Variants in RMDN2 observed in about 807,000 individuals in gnomAD.
RMDN2 encodes regulator of microtubule dynamics 2.
A neutral mutation model predicts 52.8 loss-of-function variants in RMDN2; 61 were observed. That is an observed-to-expected ratio of 1.16 (90% CI 0.94 to 1.43). RMDN2 has a LOEUF of 1.43. Among genes scored for constraint, RMDN2 ranks in the 40% most tolerant of loss-of-function variants. The pLI is 0.00. For missense variants in RMDN2, 592 were observed against 475.3 expected (o/e 1.25, Z -2.28); for synonymous variants, 180 against 153.1 (o/e 1.18, Z -1.30).
At chr2:38,002,115 T>C (rs1418421292) in intron 8 of RMDN2, among the ~76,000 whole-genome samples, 1 of 152,246 alleles carries the variant, frequency 6.6e-6, no homozygotes, top group Non-Finnish European at 1.5e-5. Context: ...TTTTGGATTC[T>C]GTACAGAATA....
downstream of RMDN2, among the ~76,000 whole-genome samples, chr2:38,018,336 A>T (rs940109570): frequency 6.6e-6 from 1 of 152,254 alleles, no homozygotes; most frequent in Non-Finnish European, 1.5e-5. Flanking sequence ...AAAAGAAAAA[A>T]TTTAAAAAGT....
intron 4 of RMDN2, among the ~76,000 whole-genome samples, chr2:37,977,676 C>G (rs1672698974): frequency 6.6e-6 from 1 of 152,010 alleles, no homozygotes; most frequent in Non-Finnish European, 1.5e-5. Flanking sequence ...TCCTCAATTC[C>G]CAGACGGGGT....
chr2:37,969,115 C>G (rs1215730487), intron 2 of RMDN2, among the ~76,000 whole-genome samples: 2 of 151,316 alleles, frequency 1.3e-5, no homozygotes, highest in Admixed American at 6.6e-5. Flanking sequence ...TGTTGCTATA[C>G]CAATACCACA....
At chr2:37,990,237 G>A (rs775704029) in intron 6 of RMDN2, among the ~76,000 whole-genome samples, 5 of 151,594 alleles carry the variant, frequency 3.3e-5, no homozygotes, top group Admixed American at 1.3e-4. Flanking sequence ...AGAATTAGCC[G>A]GCCGGGTGTG....
intron 10 of RMDN2, among the ~76,000 whole-genome samples, chr2:38,008,223 C>T (rs111253962): frequency 0.07 from 10,636 of 152,066 alleles, 387 homozygotes; most frequent in East Asian, 0.1. Context: ...CTGTTAGGTC[C>T]GCTTGGTGCA....
chr2:37,958,190 T>C (rs972349154), intron 2 of RMDN2, among the ~76,000 whole-genome samples: 2 of 152,188 alleles, frequency 1.3e-5, no homozygotes, highest in Non-Finnish European at 2.9e-5. Flanking sequence ...AGAAAGTCAA[T>C]GGTAGCTTGA....
chr2:37,989,071 G>A (rs1674414610), intron 5 of RMDN2, among the ~76,000 whole-genome samples: 1 of 152,164 alleles, frequency 6.6e-6, no homozygotes, highest in Non-Finnish European at 1.5e-5. Context: ...AGGAGCTCAT[G>A]AAATTGTAAG....
intron 2 of RMDN2, among the ~76,000 whole-genome samples, chr2:37,932,782 A>ACCTC (rs1666900410): frequency 8.2e-6 from 1 of 122,482 alleles, no homozygotes; most frequent in African/African-American, 3.2e-5. Context: ...GGCGCCCCTC[A>ACCTC]CCTCCCGGAC....
At chr2:38,031,560 A>T (rs1181473903) in intron 10 of RMDN2, among the ~76,000 whole-genome samples, 1 of 152,130 alleles carries the variant, frequency 6.6e-6, no homozygotes, top group African/African-American at 2.4e-5. Flanking sequence ...AACTGTCACA[A>T]ATCCCCTCCC....
intron 4 of RMDN2, among the ~76,000 whole-genome samples, chr2:37,976,918 G>A (rs1404792547): frequency 6.6e-6 from 1 of 151,754 alleles, no homozygotes; most frequent in East Asian, 1.9e-4. Context: ...AGGGTCACAG[G>A]ACAATAGTGG....
At chr2:37,979,240 G>C (rs1672983350) in intron 4 of RMDN2, among the ~76,000 whole-genome samples, 1 of 152,096 alleles carries the variant, frequency 6.6e-6, no homozygotes, top group South Asian at 2.1e-4. Context: ...GGAAGGGGAG[G>C]AGGGAGAGAA....
intron 10 of RMDN2, among the ~76,000 whole-genome samples, chr2:38,013,885 G>C (rs1469542208): frequency 6.6e-6 from 1 of 152,152 alleles, no homozygotes; most frequent in African/African-American, 2.4e-5. Context: ...ATCCGTGCCT[G>C]GAGAATTATT....
intron 10 of RMDN2, among the ~76,000 whole-genome samples, chr2:38,014,564 T>C (rs1183365414): frequency 6.6e-6 from 1 of 152,228 alleles, no homozygotes; most frequent in Admixed American, 6.5e-5. Context: ...TGTGTGATAG[T>C]CACTACCCAA....
At position 38,017,502 on chromosome 2, in the gene RMDN2, TAAG is replaced by T. The variant is rs1370825640; in HGVS notation, c.*266_*268del. 4.6e-6 allele frequency: 5 copies of T among 1,097,542 alleles called. 1 individual carries two copies. In the South Asian group the frequency reaches 4.9e-5, roughly 11 times the overall value. The allele number at this position is 1,097,542 out of a possible 1,614,324, so 68.0% of individuals were successfully genotyped here. A position where few individuals can be genotyped will look rare whatever the true frequency, so the allele number is the denominator to read the frequency against. On this transcript the variant is annotated 3_prime_UTR_variant, in exon 11 of 11. Transcript: ENST00000354545. ...TTTTCTTATCAATAAACTGCAGCCT[TAAG>T]AATATTTCTTTAAATAAAATATTTA...
intron 10 of RMDN2, among the ~76,000 whole-genome samples, chr2:38,045,949 C>G (rs1327276788): frequency 6.6e-6 from 1 of 152,170 alleles, no homozygotes; most frequent in Non-Finnish European, 1.5e-5. Flanking sequence ...AGGTTGTGAT[C>G]TTGGTTCAGG....
At position 37,989,189 on chromosome 2, in the gene RMDN2, T is replaced by C. The variant is rs529826958; in HGVS notation, c.792-352T>C. Among the ~76,000 whole-genome samples, 67 of 152,308 alleles carry C rather than the reference T, an allele frequency of 4.4e-4. 1 individual carries two copies. The highest frequency in any genetic ancestry group is 1.3e-3 in the African/African-American group (55 of 41,582). On this transcript the variant is annotated intron_variant, in intron 5 of 10. Coordinates refer to ENST00000354545, the MANE Select transcript of RMDN2 (RefSeq NM_001170791.3). ...AATTTAATGCTTAATGTGATTAGACTTTTTCTGAGAGTTTCTTCATGACTT... is the reference window on the plus strand; with the variant it reads ...AATTTAATGCTTAATGTGATTAGACCTTTTCTGAGAGTTTCTTCATGACTT...
At chr2:38,029,943 G>A (rs1260015468) in intron 10 of RMDN2, 2 of 152,178 alleles carry the variant, frequency 1.3e-5, no homozygotes, top group African/African-American at 2.4e-5. Flanking sequence ...AAGAGAGAAT[G>A]AGAGCCAAGC....
intron 10 of RMDN2, among the ~76,000 whole-genome samples, chr2:38,010,194 G>T (rs1677754779): frequency 6.6e-6 from 1 of 152,200 alleles, no homozygotes; most frequent in Non-Finnish European, 1.5e-5. Flanking sequence ...TCCATTCTCA[G>T]ATCTCCAGCT....
chr2:37,955,587 T>A (rs1669345974), intron 2 of RMDN2, among the ~76,000 whole-genome samples: 1 of 152,080 alleles, frequency 6.6e-6, no homozygotes, highest in African/African-American at 2.4e-5. Flanking sequence ...GGTAATTGAA[T>A]CATGGGGGCC....
Sources: gnomAD v4.1 joint callset for allele counts (sites outside exome capture counted in the v4.1 genomes callset) on GRCh38, gnomAD v4.1.1 for gene constraint, MANE v1.5 for transcripts, NCBI Gene and HGNC (gene_info 2026-07-23, HGNC 2026-07-21) for gene names.